Variants in ADAM9 observed in about 807,000 individuals in gnomAD.
The protein encoded by ADAM9 is disintegrin and metalloproteinase domain-containing protein 9.
A neutral mutation model predicts 108.1 loss-of-function variants in ADAM9; 54 were observed. The observed-to-expected ratio is 0.50, with a 90% CI of 0.40 to 0.63. The LOEUF is 0.63. Ranked by LOEUF, ADAM9 falls within the 20% of genes least tolerant of loss-of-function variation. The probability of loss-of-function intolerance (pLI) is 0.00; values close to 1 mark genes in which losing one functional copy is unlikely to be tolerated. For synonymous variants in ADAM9, 316 were observed against 336.0 expected, an observed-to-expected ratio of 0.94 and a Z score of 0.65; for missense variants, 830 against 997.7, an observed-to-expected ratio of 0.83 and a Z score of 2.26.
At chr8:39,100,087 G>C (rs2129443584) in intron 20 of ADAM9, among the ~76,000 whole-genome samples, 1 of 151,722 alleles carries the variant, frequency 6.6e-6, no homozygotes, top group East Asian at 2.0e-4. Context: ...TGGCCAGGCT[G>C]GTCTTGAACT....
intron 17 of ADAM9, 76 bp downstream of exon 17, chr8:39,082,797 T>C: frequency 2.1e-6 from 3 of 1,414,268 alleles, no homozygotes; most frequent in Non-Finnish European, 3.0e-6. Context: ...AGATGAGAGT[T>C]CCCAGGATTT....
At chr8:39,073,969 T>C (rs1838776764) in intron 15 of ADAM9, among the ~76,000 whole-genome samples, 1 of 152,174 alleles carries the variant, frequency 6.6e-6, no homozygotes, top group Non-Finnish European at 1.5e-5. Flanking sequence ...ACATACCTCA[T>C]TTTTCTGTTC....
At chr8:39,045,275 CATATGT>C (rs1415706777) in intron 12 of ADAM9, among the ~76,000 whole-genome samples, 1 of 141,262 alleles carries the variant, frequency 7.1e-6, no homozygotes. Context: ...TGTATACATA[CATATGT>C]ATATGTGTGT....
intron 12 of ADAM9, among the ~76,000 whole-genome samples, chr8:39,050,563 A>G (rs1837924528): frequency 6.7e-6 from 1 of 150,164 alleles, no homozygotes; most frequent in Admixed American, 6.7e-5. Flanking sequence ...GCATTTTTCC[A>G]TTAAGTTGGT....
At chr8:39,060,907 G>T (rs916418058) in intron 14 of ADAM9, among the ~76,000 whole-genome samples, 10 of 152,332 alleles carry the variant, frequency 6.6e-5, no homozygotes, top group African/African-American at 2.4e-4. Context: ...ATAGGTAAAG[G>T]TTTTTTCAGA....
chr8:39,091,638 C>T (rs1839358273), intron 20 of ADAM9, among the ~76,000 whole-genome samples: 1 of 152,080 alleles, frequency 6.6e-6, no homozygotes, highest in African/African-American at 2.4e-5. Context: ...AGGTGTGTAC[C>T]ACCACGCCTG....
At chr8:39,045,211 TATAC>T (rs1300147909) in intron 12 of ADAM9, among the ~76,000 whole-genome samples, 13 of 99,250 alleles carry the variant, frequency 1.3e-4, no homozygotes, top group South Asian at 6.9e-4. Flanking sequence ...TATATATGTG[TATAC>T]ATACATATAT....
In ADAM9 at chr8:39,017,346, A is replaced by G; in HGVS notation, c.538A>G (p.Lys180Glu). The G allele has an allele frequency of 2.5e-6, 4 of 1,614,144 alleles. No individual in the cohort carries two copies. Among genetic ancestry groups the G allele is most frequent in the Non-Finnish European group, 3.4e-6 (4 of 1,180,016 alleles). ...KEPLKCGVSNKDIEKETAKDE... is the reference protein window; with the variant it reads ...KEPLKCGVSNEDIEKETAKDE... The stretch of plus-strand genomic sequence containing the variant: ...GCCTCTGAAATGTGGAGTTTCCAAC[A>G]AGGATATAGAGAAAGAAACTGCAAA... Residue 180 changes from lysine (K) to glutamate (E), a missense_variant, in exon 6 of 22, where the codon AAG (lysine) becomes GAG (glutamate). Coordinates refer to ENST00000487273, the MANE Select transcript of ADAM9 (RefSeq NM_003816.3).
intron 11 of ADAM9, among the ~76,000 whole-genome samples, chr8:39,041,439 T>G (rs1273319533): frequency 6.6e-6 from 1 of 152,240 alleles, no homozygotes; most frequent in African/African-American, 2.4e-5. Flanking sequence ...GTCTGCCTTT[T>G]GATGGCTAGT....
chr8:39,038,432 T>C (rs1198808534), intron 11 of ADAM9, among the ~76,000 whole-genome samples: 2 of 152,218 alleles, frequency 1.3e-5, no homozygotes, highest in Non-Finnish European at 2.9e-5. Context: ...TTGATTGAAC[T>C]GTCACATATT....
At chr8:39,091,223 A>G (rs753798927) in intron 19 of ADAM9, 36 bp from the exon 20 acceptor site, 2 of 1,576,556 alleles carry the variant, frequency 1.3e-6, no homozygotes, top group South Asian at 1.1e-5. Context: ...AAATGTTTTT[A>G]TCTTAATTTA....
At chr8:39,045,690 C>CT (rs961204288) in intron 12 of ADAM9, among the ~76,000 whole-genome samples, 3 of 151,634 alleles carry the variant, frequency 2.0e-5, no homozygotes, top group Non-Finnish European at 4.4e-5. Context: ...GTGCAGATAC[C>CT]TTTTTTACAT....
intron 20 of ADAM9, 47 bp from the exon 21 acceptor site, chr8:39,101,816 T>A (rs766230919): frequency 7.1e-7 from 1 of 1,415,824 alleles, no homozygotes. Flanking sequence ...AGAAATCATA[T>A]TTATGAGCAC....
chr8:39,054,616 A>G (rs1238643589), intron 13 of ADAM9, 43 bp downstream of exon 13: 7 of 1,526,376 alleles, frequency 4.6e-6, no homozygotes, highest in East Asian at 4.5e-5. Flanking sequence ...AAAAAAAAAA[A>G]AAAAAAGAAA....
chr8:39,074,111 C>T (rs1476574396), intron 15 of ADAM9, among the ~76,000 whole-genome samples: 1 of 152,128 alleles, frequency 6.6e-6, no homozygotes, highest in African/African-American at 2.4e-5. Flanking sequence ...TTTTTGTTGT[C>T]ATCCTCCTTG....
intron 11 of ADAM9, among the ~76,000 whole-genome samples, chr8:39,040,530 T>G (rs1437007821): frequency 6.6e-6 from 1 of 152,252 alleles, no homozygotes; most frequent in East Asian, 1.9e-4. Context: ...AAAATCGAGT[T>G]ATTTGTTTTT....
chr8:39,033,185 A>G (rs1315152656), intron 11 of ADAM9, among the ~76,000 whole-genome samples: 1 of 152,232 alleles, frequency 6.6e-6, no homozygotes, highest in Non-Finnish European at 1.5e-5. Flanking sequence ...GTCCTAATGT[A>G]CATGATATTA....
At chr8:39,031,234 A>C (rs1222112780) in intron 11 of ADAM9, among the ~76,000 whole-genome samples, 1 of 152,230 alleles carries the variant, frequency 6.6e-6, no homozygotes, top group Admixed American at 6.5e-5. Context: ...TTAATTGTGG[A>C]GGATGTAAGA....
chr8:39,017,087 G>A, intron 5 of ADAM9, 132 bp from the exon 6 acceptor site: 1 of 955,642 alleles, frequency 1.0e-6, no homozygotes, highest in Non-Finnish European at 1.6e-6. Context: ...TGATTCTAAA[G>A]CCTCTATTTT....
Sources: allele counts gnomAD v4.1 joint callset (sites outside exome capture counted in the v4.1 genomes callset), GRCh38; gene constraint gnomAD v4.1.1; transcripts MANE v1.5; gene names NCBI Gene and HGNC (gene_info 2026-07-23, HGNC 2026-07-21).